The following NDRG4 variants were observed in gnomAD, a reference collection of about 807,000 sequenced individuals.
NDRG4 encodes protein NDRG4.
A neutral mutation model predicts 55.8 loss-of-function variants in NDRG4; 38 were observed. The ratio of observed to expected loss-of-function variants is 0.68; its 90% CI spans 0.53 to 0.89. The LOEUF is 0.89. Ranked by LOEUF, NDRG4 falls within the 40% of genes least tolerant of loss-of-function variation. The pLI, the probability that NDRG4 is intolerant of heterozygous loss-of-function variation, is 0.00. For missense variants in NDRG4, 455 were observed against 468.6 expected, an observed-to-expected ratio of 0.97 and a Z score of 0.27; for synonymous variants, 190 against 182.7, an observed-to-expected ratio of 1.04 and a Z score of -0.32.
intron 1 of NDRG4, among the ~76,000 whole-genome samples, chr16:58,465,602 A>C (rs1341139418): frequency 6.6e-6 from 1 of 151,910 alleles, no homozygotes; most frequent in Non-Finnish European, 1.5e-5. Context: ...AGGTTTTATT[A>C]AATCGGCAGT....
rs2036967624 is a variant in NDRG4, at chr16:58,500,695, G to A, written c.21+426G>A. 10 of 430,816 alleles carry A rather than the reference G, an allele frequency of 2.3e-5. 1 individual carries two copies. The South Asian group carries it at 5.0e-4, about 21-fold the overall frequency. The allele number at this position is 430,816 out of a possible 1,614,324, so 26.7% of individuals were successfully genotyped here. A position where few individuals can be genotyped will look rare whatever the true frequency, so the allele number is the denominator to read the frequency against. On this transcript the variant is annotated intron_variant, in intron 1 of 14. Transcript: ENST00000570248. ...CTGGGGCCATCAGGCCAGGGGGCGG[G>A]GGTGTCCTTGGTGAGCCCCCGAGGC...
chr16:58,486,467 A>C (rs902683218), intron 1 of NDRG4, among the ~76,000 whole-genome samples: 5 of 152,150 alleles, frequency 3.3e-5, no homozygotes, highest in Non-Finnish European at 5.9e-5. Context: ...GCCAAAAAAA[A>C]AAAAAGTATC....
intron 1 of NDRG4, among the ~76,000 whole-genome samples, chr16:58,477,297 G>A (rs188695533): frequency 2.2e-4 from 33 of 152,156 alleles, no homozygotes; most frequent in South Asian, 6.2e-4. Context: ...ATTTCTAAAC[G>A]TCATTCTCCA....
chr16:58,496,115 C>T (rs1324964519), upstream of NDRG4, among the ~76,000 whole-genome samples: 1 of 152,174 alleles, frequency 6.6e-6, no homozygotes, highest in African/African-American at 2.4e-5. Context: ...ACACTGGTCC[C>T]ACAGTGTGGG....
At chr16:58,471,749 T>C (rs1017397113) in intron 1 of NDRG4, among the ~76,000 whole-genome samples, 2 of 152,120 alleles carry the variant, frequency 1.3e-5, no homozygotes, top group Admixed American at 6.5e-5. Flanking sequence ...GTTCACCTGT[T>C]GGCGGGGGTG....
downstream of NDRG4, among the ~76,000 whole-genome samples, chr16:58,515,176 C>A (rs1259007307): frequency 6.6e-6 from 1 of 152,200 alleles, no homozygotes; most frequent in East Asian, 1.9e-4. Flanking sequence ...TTGCGTCGCT[C>A]ACCACCGGCC....
intron 1 of NDRG4, among the ~76,000 whole-genome samples, chr16:58,478,636 G>A (rs1015229109): frequency 1.3e-5 from 2 of 151,540 alleles, no homozygotes; most frequent in Non-Finnish European, 2.9e-5. Flanking sequence ...TGATAACATT[G>A]GGGGAAGCTG....
chr16:58,500,943 C>T, intron 1 of NDRG4: 5 of 1,184,628 alleles, frequency 4.2e-6, no homozygotes, highest in Non-Finnish European at 5.3e-6. Flanking sequence ...GGGGTCCCTG[C>T]TGGGGAGGAA....
At position 58,478,670 on chromosome 16, in the gene NDRG4, C is replaced by T. The variant is rs75348320; in HGVS notation, c.-23-9086C>T. On this transcript the variant is annotated intron_variant, in intron 1 of 15. Transcript: ENST00000258187. Reference sequence around the variant, plus strand: ...TGAGTGAAGGGTATGTGGGAAATGTCTGTGTTTCTGTGCTTTTTTGTTTTT... The same window carrying T: ...TGAGTGAAGGGTATGTGGGAAATGTTTGTGTTTCTGTGCTTTTTTGTTTTT... 9.9e-3 allele frequency among the ~76,000 whole-genome samples: 1,349 copies of T among 136,722 alleles called. 49 individuals are homozygous for T. In the East Asian group the frequency reaches 0.12, roughly 13 times the overall value. The allele number at this position is 136,722 out of a possible 152,430, so 89.7% of individuals were successfully genotyped here.
intron 13 of NDRG4, 32 bp downstream of exon 13, chr16:58,509,384 C>G: frequency 6.2e-7 from 1 of 1,608,758 alleles, no homozygotes; most frequent in Non-Finnish European, 8.5e-7. Flanking sequence ...CCCACACCAC[C>G]TAGAGACCGG....
chr16:58,482,326 T>C (rs942416650), intron 1 of NDRG4, among the ~76,000 whole-genome samples: 2 of 152,202 alleles, frequency 1.3e-5, no homozygotes, highest in East Asian at 1.9e-4. Context: ...CATTCCACAG[T>C]TCTACCTCTT....
At chr16:58,503,524 G>T (rs1423576877) in intron 1 of NDRG4, among the ~76,000 whole-genome samples, 1 of 152,136 alleles carries the variant, frequency 6.6e-6, no homozygotes, top group Admixed American at 6.5e-5. Context: ...AAGGGCGGAG[G>T]ACAGTGACAG....
intron 8 of NDRG4, 70 bp downstream of exon 8, chr16:58,507,085 G>C: frequency 8.2e-7 from 1 of 1,223,306 alleles, no homozygotes; most frequent in African/African-American, 1.5e-5. Flanking sequence ...TGCCCCCTGA[G>C]GGAGGCAGGC....
chr16:58,481,664 T>C (rs1474867312), intron 1 of NDRG4, among the ~76,000 whole-genome samples: 2 of 152,132 alleles, frequency 1.3e-5, no homozygotes, highest in Non-Finnish European at 2.9e-5. Context: ...GCGGAATGCA[T>C]GTAGGCGGGT....
At chr16:58,506,647 ATC>A in intron 7 of NDRG4, 33 bp downstream of exon 7, 1 of 1,545,794 alleles carries the variant, frequency 6.5e-7, no homozygotes, top group South Asian at 1.2e-5. Flanking sequence ...ATCTGGGGTG[ATC>A]TGGGATTTGC....
intron 1 of NDRG4, among the ~76,000 whole-genome samples, chr16:58,473,121 C>A (rs67421817): frequency 0.032 from 4,814 of 152,214 alleles, 98 homozygotes; most frequent in Admixed American, 0.052. Context: ...TATTATCCTT[C>A]CCTCTGTTCC....
At chr16:58,495,005 G>C in exon 3 of NDRG4, 1 of 1,613,436 alleles carries the variant, frequency 6.2e-7, no homozygotes. Context: ...ACACAGACTG[G>C]AAGGTAGGTC....
chr16:58,505,242 G>GGGGT (rs1433765008), intron 5 of NDRG4, among the ~76,000 whole-genome samples: 2 of 151,618 alleles, frequency 1.3e-5, no homozygotes, highest in Non-Finnish European at 2.9e-5. Flanking sequence ...CCAGCTACTC[G>GGGGT]GGAGGCTGAG....
chr16:58,501,369 C>G (rs1187428000), intron 1 of NDRG4: 4 of 312,444 alleles, frequency 1.3e-5, no homozygotes, highest in South Asian at 1.6e-4. Flanking sequence ...GGAGACGGAC[C>G]GACCGAGAGG....
Sources: allele counts gnomAD v4.1 joint callset (sites outside exome capture counted in the v4.1 genomes callset), GRCh38; gene constraint gnomAD v4.1.1; transcripts MANE v1.5; gene names NCBI Gene and HGNC (gene_info 2026-07-23, HGNC 2026-07-21).